The following TENM4 variants were observed in gnomAD, a reference collection of about 807,000 sequenced individuals.
TENM4 encodes the protein teneurin-4.
Under a neutral mutation model 243.3 loss-of-function variants are expected in TENM4, and 82 were observed. The ratio of observed to expected loss-of-function variants is 0.34; its 90% CI spans 0.28 to 0.40. The LOEUF (loss-of-function observed/expected upper bound fraction) is 0.40, where lower values mean the gene tolerates loss of function less well. TENM4 is among the 10% of genes least tolerant of loss of function. The pLI, the probability that TENM4 is intolerant of heterozygous loss-of-function variation, is 1.00. For synonymous variants in TENM4, 1,412 were observed against 1,456.3 expected (o/e 0.97, Z 0.69); for missense variants, 3,138 against 3,673.3 (o/e 0.85, Z 3.77).
chr11:78,711,229 T>C (rs1453195499), intron 26 of TENM4, among the ~76,000 whole-genome samples: 1 of 152,226 alleles, frequency 6.6e-6, no homozygotes, highest in Admixed American at 6.5e-5. Context: ...GTAGAGACAA[T>C]GTGACTTGAT....
At chr11:79,165,995 T>C (rs1680008314) in intron 3 of TENM4, among the ~76,000 whole-genome samples, 1 of 152,212 alleles carries the variant, frequency 6.6e-6, no homozygotes, top group South Asian at 2.1e-4. Context: ...TCCATTGGTC[T>C]ATATGAGGCC....
intron 3 of TENM4, among the ~76,000 whole-genome samples, chr11:79,209,527 A>G (rs1319523525): frequency 6.6e-6 from 1 of 152,166 alleles, no homozygotes; most frequent in African/African-American, 2.4e-5. Context: ...CAGTTAGTCC[A>G]CCAGGAATAG....
chr11:79,070,330 G>T (rs948285639), intron 4 of TENM4, among the ~76,000 whole-genome samples: 3 of 152,176 alleles, frequency 2.0e-5, no homozygotes, highest in Admixed American at 2.0e-4. Context: ...AACCAAGCCT[G>T]TTTGGTTCCC....
intron 15 of TENM4, among the ~76,000 whole-genome samples, chr11:78,790,237 T>G (rs756815664): frequency 6.6e-6 from 1 of 152,258 alleles, no homozygotes; most frequent in Non-Finnish European, 1.5e-5. Flanking sequence ...CTTTTTGCTA[T>G]GTACAATGAA....
intron 3 of TENM4, among the ~76,000 whole-genome samples, chr11:79,165,181 T>C (rs1862885803): frequency 6.6e-6 from 1 of 152,152 alleles, no homozygotes. Flanking sequence ...CTGGATCAAA[T>C]GGTAGTTCTA....
At chr11:79,189,374 G>A (rs888162547) in intron 3 of TENM4, among the ~76,000 whole-genome samples, 3 of 152,116 alleles carry the variant, frequency 2.0e-5, no homozygotes, top group African/African-American at 7.2e-5. Flanking sequence ...CATCACACAA[G>A]CATTTATCAT....
chr11:79,303,169 A>G (rs1856576639), intron 1 of TENM4, among the ~76,000 whole-genome samples: 1 of 152,174 alleles, frequency 6.6e-6, no homozygotes, highest in South Asian at 2.1e-4. Context: ...CCTTTTATTT[A>G]AGCATCCCTC....
At chr11:78,736,956 T>C (rs1429288278) in intron 20 of TENM4, among the ~76,000 whole-genome samples, 2 of 152,068 alleles carry the variant, frequency 1.3e-5, no homozygotes, top group East Asian at 3.9e-4. Flanking sequence ...ACAGGAGGAA[T>C]CAGGAAGTGT....
chr11:79,419,484 T>G (rs1858886103), intron 1 of TENM4, among the ~76,000 whole-genome samples: 1 of 152,208 alleles, frequency 6.6e-6, no homozygotes, highest in African/African-American at 2.4e-5. Flanking sequence ...GCTACCTTGC[T>G]CTGTCTAGTA....
intron 6 of TENM4, among the ~76,000 whole-genome samples, chr11:78,983,384 ATC>A (rs1437547128): frequency 6.6e-6 from 1 of 152,220 alleles, no homozygotes; most frequent in Non-Finnish European, 1.5e-5. Flanking sequence ...ATATTTTAAT[ATC>A]TGTTTGCAGA....
At position 78,923,693 on chromosome 11, in the gene TENM4, CTTTTTTTTTTTT is replaced by C. The variant is rs1172776088; in HGVS notation, c.494-20182_494-20171del. ...GCTGGGATGACAGGCATGCACCTGG[CTTTTTTTTTTTT>C]TTTTTTTTTTTTAAAGTAGAGATGG... On this transcript the variant is annotated intron_variant, in intron 6 of 33. Transcript: ENST00000278550. 7.5e-5 allele frequency among the ~76,000 whole-genome samples: 4 copies of C among 53,680 alleles called. No individual in the cohort carries two copies. In the East Asian group the frequency reaches 2.0e-3, roughly 27 times the overall value. The allele number at this position is 53,680 out of a possible 152,430, so 35.2% of individuals were successfully genotyped here.
chr11:78,929,986 C>T (rs1272360607), intron 6 of TENM4, among the ~76,000 whole-genome samples: 1 of 152,164 alleles, frequency 6.6e-6, no homozygotes, highest in Non-Finnish European at 1.5e-5. Context: ...AGCTCTGTGC[C>T]TCCGTCCTAA....
intron 15 of TENM4, among the ~76,000 whole-genome samples, chr11:78,803,124 G>A (rs1011396035): frequency 2.6e-5 from 4 of 151,294 alleles, no homozygotes; most frequent in Non-Finnish European, 4.4e-5. Context: ...TCTGCCATCC[G>A]GGTTCAAGAG....
At chr11:79,086,691 G>A (rs1387499470) in intron 4 of TENM4, among the ~76,000 whole-genome samples, 2 of 151,920 alleles carry the variant, frequency 1.3e-5, no homozygotes, top group African/African-American at 4.8e-5. Flanking sequence ...AAAATTAGCT[G>A]GGTGTGGTGG....
chr11:79,259,718 T>A (rs1855764722), intron 2 of TENM4, among the ~76,000 whole-genome samples: 1 of 151,538 alleles, frequency 6.6e-6, no homozygotes, highest in African/African-American at 2.4e-5. Flanking sequence ...CACCCATCCA[T>A]CCATCCCTAT....
chr11:78,768,613 G>A (rs147873071), intron 18 of TENM4, among the ~76,000 whole-genome samples: 1 of 152,276 alleles, frequency 6.6e-6, no homozygotes, highest in Non-Finnish European at 1.5e-5. Context: ...AACATTGGTT[G>A]AGTGAGTGAA....
intron 6 of TENM4, among the ~76,000 whole-genome samples, chr11:79,056,996 G>T (rs1008227833): frequency 1.1e-4 from 16 of 152,184 alleles, no homozygotes; most frequent in African/African-American, 3.9e-4. Flanking sequence ...GCAGGGAAGA[G>T]AAAGTTCTAT....
At chr11:78,875,140 CAT>C (rs1859235171) in intron 9 of TENM4, among the ~76,000 whole-genome samples, 1 of 151,230 alleles carries the variant, frequency 6.6e-6, no homozygotes, top group Admixed American at 6.6e-5. Context: ...AGTCAGTGCA[CAT>C]GTGCATGGCA....
intron 15 of TENM4, among the ~76,000 whole-genome samples, chr11:78,795,730 T>A (rs1857148415): frequency 6.6e-6 from 1 of 152,054 alleles, no homozygotes; most frequent in Admixed American, 6.6e-5. Context: ...ACAGACCAGA[T>A]CTCCATATAT....
Sources: allele counts gnomAD v4.1 joint callset (sites outside exome capture counted in the v4.1 genomes callset), GRCh38; gene constraint gnomAD v4.1.1; transcripts MANE v1.5; gene names NCBI Gene and HGNC (gene_info 2026-07-23, HGNC 2026-07-21).